Variants in LDB2 observed in about 807,000 individuals in gnomAD.
LDB2 encodes LIM domain-binding protein 2.
A neutral mutation model predicts 44.3 loss-of-function variants in LDB2; 12 were observed. The ratio of observed to expected loss-of-function variants is 0.27; its 90% CI spans 0.17 to 0.44. The LOEUF is 0.44. LDB2 is among the 20% of genes least tolerant of loss of function. LDB2 has a pLI of 1.00. For synonymous variants in LDB2, 164 were observed against 174.8 expected (o/e 0.94, Z 0.49); for missense variants, 344 against 473.5 (o/e 0.73, Z 2.54).
intron 1 of LDB2, among the ~76,000 whole-genome samples, chr4:16,859,156 C>A (rs1030148413): frequency 1.8e-4 from 28 of 152,204 alleles, no homozygotes; most frequent in African/African-American, 6.3e-4. Context: ...GTGGTATAAT[C>A]ACACTACCAA....
chr4:16,574,728 CAGG>C (rs1423851101), intron 5 of LDB2, among the ~76,000 whole-genome samples: 1 of 152,170 alleles, frequency 6.6e-6, no homozygotes, highest in African/African-American at 2.4e-5. Flanking sequence ...TCAGAAAGTA[CAGG>C]AGGAGACTGG....
intron 1 of LDB2, among the ~76,000 whole-genome samples, chr4:16,895,616 AGAAGAGAGAGAG>A (rs1176735544): frequency 1.3e-5 from 2 of 152,108 alleles, no homozygotes; most frequent in East Asian, 1.9e-4. Flanking sequence ...GAGTGGGACC[AGAAGAGAGAGAG>A]GAAGAGAGAG....
chr4:16,589,173 T>C (rs1365594807), intron 3 of LDB2, among the ~76,000 whole-genome samples: 1 of 152,234 alleles, frequency 6.6e-6, no homozygotes, highest in African/African-American at 2.4e-5. Flanking sequence ...TCCACTTTCA[T>C]CATCCTTCAA....
rs905732982 is a variant in LDB2 at position 16,501,834 on chromosome 4, G to T, written c.*809C>A. The stretch of plus-strand genomic sequence containing the variant: ...AGGTACAATTAGAAAACACACAAAG[G>T]TTCAGGTTTATTAAACTGCCCACAA... On this transcript the variant is annotated 3_prime_UTR_variant, in exon 8 of 8. Coordinates refer to ENST00000304523, the MANE Select transcript of LDB2 (RefSeq NM_001290.5). 2 of 152,536 alleles carry T rather than the reference G, an allele frequency of 1.3e-5. No individual in the cohort carries two copies. The highest frequency in any genetic ancestry group is 2.9e-5 in the Non-Finnish European group (2 of 68,008). The allele number at this position is 152,536 out of a possible 1,614,324, so 9.4% of individuals were successfully genotyped here. A position where few individuals can be genotyped will look rare whatever the true frequency, so the allele number is the denominator to read the frequency against.
chr4:16,858,048 TA>T, intron 1 of LDB2, among the ~76,000 whole-genome samples: 1 of 152,176 alleles, frequency 6.6e-6, no homozygotes, highest in Non-Finnish European at 1.5e-5. Flanking sequence ...ATATTAATAA[TA>T]ATTACTGATT....
At chr4:16,602,324 G>A (rs1454294048) in intron 2 of LDB2, among the ~76,000 whole-genome samples, 3 of 152,194 alleles carry the variant, frequency 2.0e-5, no homozygotes, top group Non-Finnish European at 2.9e-5. Flanking sequence ...AAAGCCGTGC[G>A]AAGATCTGGA....
chr4:16,682,864 A>G (rs1748295905), intron 2 of LDB2, among the ~76,000 whole-genome samples: 1 of 152,258 alleles, frequency 6.6e-6, no homozygotes, highest in Admixed American at 6.5e-5. Context: ...ACAGCGTGCT[A>G]GCTATTGAGG....
intron 2 of LDB2, among the ~76,000 whole-genome samples, chr4:16,708,558 T>C (rs1355022536): frequency 1.3e-5 from 2 of 152,136 alleles, no homozygotes; most frequent in East Asian, 3.9e-4. Context: ...AAATACGGCC[T>C]GAGAGAAACT....
chr4:16,639,727 T>C (rs774858009), intron 2 of LDB2, among the ~76,000 whole-genome samples: 31 of 152,230 alleles, frequency 2.0e-4, no homozygotes, highest in Non-Finnish European at 3.7e-4. Flanking sequence ...CCCAAAGTGT[T>C]GGGATTACAG....
intron 1 of LDB2, among the ~76,000 whole-genome samples, chr4:16,860,098 C>T (rs1001109864): frequency 6.6e-6 from 1 of 152,168 alleles, no homozygotes; most frequent in African/African-American, 2.4e-5. Context: ...GCAGCCCTAA[C>T]CTGGCCAAAA....
At chr4:16,696,099 G>T (rs1490394684) in intron 2 of LDB2, among the ~76,000 whole-genome samples, 1 of 152,232 alleles carries the variant, frequency 6.6e-6, no homozygotes, top group Non-Finnish European at 1.5e-5. Context: ...GCCTTGGGGA[G>T]AGAGGAAAGT....
chr4:16,818,749 T>C (rs1781406609), intron 1 of LDB2, among the ~76,000 whole-genome samples: 1 of 152,200 alleles, frequency 6.6e-6, no homozygotes, highest in Non-Finnish European at 1.5e-5. Context: ...AGAAGGAAGT[T>C]GTATATATTT....
chr4:16,513,231 ATTC>A (rs750617648), intron 5 of LDB2, among the ~76,000 whole-genome samples: 1 of 151,990 alleles, frequency 6.6e-6, no homozygotes, highest in Non-Finnish European at 1.5e-5. Flanking sequence ...TCTACCTGGA[ATTC>A]TTCTCTCCCC....
At chr4:16,744,148 T>C (rs1342560145) in intron 2 of LDB2, among the ~76,000 whole-genome samples, 1 of 148,456 alleles carries the variant, frequency 6.7e-6, no homozygotes, top group South Asian at 2.1e-4. Context: ...ACTCATGTGG[T>C]TTGTTTGTTT....
intron 1 of LDB2, among the ~76,000 whole-genome samples, chr4:16,852,309 A>G (rs991164588): frequency 5.2e-4 from 79 of 152,216 alleles, no homozygotes; most frequent in African/African-American, 1.7e-3. Flanking sequence ...GGGAGGAAGG[A>G]AATGTTCCTT....
chr4:16,842,347 G>C (rs963174677), intron 1 of LDB2, among the ~76,000 whole-genome samples: 8 of 151,922 alleles, frequency 5.3e-5, no homozygotes, highest in Non-Finnish European at 1.2e-4. Context: ...AGAGAGAAAC[G>C]GAGAAAGAGC....
chr4:16,818,427 T>C (rs1457123242), intron 1 of LDB2, among the ~76,000 whole-genome samples: 1 of 152,216 alleles, frequency 6.6e-6, no homozygotes, highest in East Asian at 1.9e-4. Flanking sequence ...TCTGTGATCA[T>C]CCTACTCTGC....
chr4:16,558,109 A>C (rs890266621), intron 5 of LDB2, among the ~76,000 whole-genome samples: 3 of 152,114 alleles, frequency 2.0e-5, no homozygotes, highest in African/African-American at 7.2e-5. Flanking sequence ...AACCACAAAG[A>C]TGGGGAAAAA....
chr4:16,787,650 T>G (rs1293909235), intron 1 of LDB2, among the ~76,000 whole-genome samples: 1 of 152,080 alleles, frequency 6.6e-6, no homozygotes, highest in African/African-American at 2.4e-5. Context: ...AGATGAACTA[T>G]AAGCAAAACA....
Sources: gnomAD v4.1 joint callset for allele counts (sites outside exome capture counted in the v4.1 genomes callset) on GRCh38, gnomAD v4.1.1 for gene constraint, MANE v1.5 for transcripts, NCBI Gene and HGNC (gene_info 2026-07-23, HGNC 2026-07-21) for gene names.